HMCES: variants seen among roughly 807,000 people sequenced by gnomAD.
The protein encoded by HMCES is 5-hydroxymethylcytosine binding, ES cell specific, also known as abasic site processing protein HMCES.
Under a neutral mutation model 35.1 loss-of-function variants are expected in HMCES, and 27 were observed. That is an observed-to-expected ratio of 0.77 (90% confidence interval 0.57 to 1.06). The LOEUF (loss-of-function observed/expected upper bound fraction) is 1.06. HMCES is among the 50% of genes least tolerant of loss of function. HMCES has a pLI of 0.00. For synonymous variants in HMCES, 130 were observed against 154.7 expected (o/e 0.84, Z 1.18); for missense variants, 391 against 430.4 (o/e 0.91, Z 0.81).
intron 6 of HMCES, among the ~76,000 whole-genome samples, chr3:129,303,244 T>G (rs2071192854): frequency 6.6e-6 from 1 of 152,158 alleles, no homozygotes; most frequent in Non-Finnish European, 1.5e-5. Flanking sequence ...TGTTTTTAGG[T>G]GGCATGGAGG....
Position 129,303,243 on chromosome 3 carries a change from G to A in HMCES, c.828+1101G>A, listed in dbSNP as rs138346351. 9.1e-3 allele frequency among the ~76,000 whole-genome samples: 1,390 copies of A among 152,238 alleles called. 23 individuals are homozygous for A. The highest frequency in any genetic ancestry group is 0.032 in the African/African-American group (1,316 of 41,526). On this transcript the variant is annotated intron_variant, in intron 6 of 6. Transcript: ENST00000383463. ...ATTTAGGAGTAGTGATTGTTTTTAG[G>A]TGGCATGGAGGGACTTAAAATAGGA...
intron 2 of HMCES, among the ~76,000 whole-genome samples, chr3:129,284,387 T>G (rs1359017174): frequency 1.3e-5 from 2 of 152,210 alleles, no homozygotes; most frequent in East Asian, 3.8e-4. Context: ...TGGTCTTGAA[T>G]TTAGTGTAAA....
intron 2 of HMCES, among the ~76,000 whole-genome samples, chr3:129,288,387 T>A (rs911448441): frequency 2.1e-4 from 32 of 152,228 alleles, no homozygotes; most frequent in Admixed American, 2.6e-4. Flanking sequence ...GTTACCTACA[T>A]CATGATAAGT....
At chr3:129,304,543 C>G in intron 6 of HMCES, 46 bp from the exon 7 acceptor site, 1 of 1,548,786 alleles carries the variant, frequency 6.5e-7, no homozygotes, top group Non-Finnish European at 8.9e-7. Flanking sequence ...GGCCTTTTCC[C>G]AAAAGCTTGA....
At chr3:129,295,599 A>G (rs1560076569) in intron 4 of HMCES, among the ~76,000 whole-genome samples, 1 of 152,162 alleles carries the variant, frequency 6.6e-6, no homozygotes, top group African/African-American at 2.4e-5. Flanking sequence ...TTCACCGTAT[A>G]TAAGATTCTG....
At position 129,304,926 on chromosome 3, in the gene HMCES, G is replaced by A; in HGVS notation, c.*101G>A. On this transcript the variant is annotated 3_prime_UTR_variant, in exon 7 of 7. Transcript: ENST00000383463. ...TATGTGTTTGCTTTGGGAGGAGGTG[G>A]CACTGTGTTAGTTGACAGTTGTGGG... 6.2e-6 allele frequency: 6 copies of A among 964,358 alleles called. No homozygotes were observed. The highest frequency in any genetic ancestry group is 9.5e-6 in the Non-Finnish European group (6 of 630,930). 59.7% of individuals were successfully genotyped at this position (964,358 alleles called of 1,614,324 possible). A position where few individuals can be genotyped will look rare whatever the true frequency, so the allele number is the denominator to read the frequency against.
intron 4 of HMCES, among the ~76,000 whole-genome samples, chr3:129,295,373 GT>G (rs1560076497): frequency 6.7e-6 from 1 of 149,550 alleles, no homozygotes; most frequent in Non-Finnish European, 1.5e-5. Context: ...GGAGGTCGAA[GT>G]TGCAGTGAGC....
chr3:129,284,098 G>A (rs1342101196), intron 2 of HMCES, among the ~76,000 whole-genome samples: 2 of 152,040 alleles, frequency 1.3e-5, no homozygotes, highest in African/African-American at 4.8e-5. Flanking sequence ...GCAATCATTG[G>A]TGCACATACA....
At chr3:129,302,177 C>T in intron 6 of HMCES, 35 bp downstream of exon 6, 2 of 1,524,916 alleles carry the variant, frequency 1.3e-6, no homozygotes, top group Non-Finnish European at 1.8e-6. Context: ...CCTTTTTGAG[C>T]TTTCTGTCTT....
chr3:129,301,926 C>T (rs757725294), intron 5 of HMCES, 24 bp from the exon 6 acceptor site: 9 of 1,585,722 alleles, frequency 5.7e-6, no homozygotes, highest in Non-Finnish European at 7.8e-6. Context: ...CTCTCCCAAC[C>T]ATTGTCTTAA....
intron 2 of HMCES, among the ~76,000 whole-genome samples, chr3:129,280,679 G>A (rs1940449372): frequency 6.6e-6 from 1 of 152,056 alleles, no homozygotes; most frequent in South Asian, 2.1e-4. Flanking sequence ...TTTTGTGTTT[G>A]TCTTTTACTA....
Position 129,304,609 on chromosome 3 carries a change from T to A in HMCES, c.849T>A (p.Ser283Arg). 1 of 1,614,140 alleles carries A rather than the reference T, an allele frequency of 6.2e-7. No homozygotes were observed. Among genetic ancestry groups the A allele is most frequent in the Non-Finnish European group, 8.5e-7 (1 of 1,180,006 alleles). ...VVKKELRASG[S>R]SQRMLQWLAT... is the part of the protein sequence containing the mutation. ...TGTAGGAGCTCAGGGCAAGTGGCAG[T>A]AGCCAGAGGATGTTGCAGTGGTTGG... The change falls in exon 7 of 7, where the codon AGT becomes AGA. Residue 283 changes from serine to arginine, a missense_variant. By Grantham distance (110) the Ser-to-Arg change is moderately radical (BLOSUM62 -1). Coordinates refer to ENST00000383463, the MANE Select transcript of HMCES (RefSeq NM_020187.3).
rs534718221 is a variant in HMCES at position 129,284,719 on chromosome 3, C to T, written c.184-4135C>T. The stretch of plus-strand genomic sequence containing the variant: ...CTTGAGGTCAGGAGTTCGAGACCAG[C>T]GTAACCAACATAGTGAAACCCTGTC... On this transcript the variant is annotated intron_variant, in intron 2 of 6. Transcript: ENST00000383463. 4.6e-5 allele frequency among the ~76,000 whole-genome samples: 7 copies of T among 152,274 alleles called. 1 individual carries two copies. The South Asian group carries it at 1.4e-3, about 32-fold the overall frequency.
At chr3:129,282,608 G>A (rs1940528091) in intron 2 of HMCES, among the ~76,000 whole-genome samples, 1 of 152,160 alleles carries the variant, frequency 6.6e-6, no homozygotes, top group South Asian at 2.1e-4. Flanking sequence ...GTTTTATTAA[G>A]ATTGCTATGG....
intron 3 of HMCES, 29 bp downstream of exon 3, chr3:129,289,026 G>A (rs757458459): frequency 7.3e-6 from 11 of 1,497,096 alleles, no homozygotes; most frequent in East Asian, 2.3e-5. Flanking sequence ...TTAGTGCCCC[G>A]TATACCTCAG....
chr3:129,293,586 T>C (rs2071050678), intron 4 of HMCES, among the ~76,000 whole-genome samples: 1 of 123,086 alleles, frequency 8.1e-6, no homozygotes, highest in African/African-American at 4.2e-5. Flanking sequence ...TTTTTTTTTT[T>C]TGAGACAGAG....
chr3:129,304,224 T>C (rs922490736), intron 6 of HMCES, among the ~76,000 whole-genome samples: 1 of 152,224 alleles, frequency 6.6e-6, no homozygotes, highest in African/African-American at 2.4e-5. Context: ...CTTATCACAG[T>C]GGCTGTTAGA....
intron 2 of HMCES, among the ~76,000 whole-genome samples, chr3:129,280,767 T>C (rs1056283729): frequency 7.9e-5 from 12 of 152,358 alleles, no homozygotes; most frequent in Admixed American, 5.2e-4. Context: ...ATCCCTGTAG[T>C]GTTGGAATTA....
chr3:129,285,162 G>A (rs1199520072), intron 2 of HMCES, among the ~76,000 whole-genome samples: 1 of 151,870 alleles, frequency 6.6e-6, no homozygotes, highest in Non-Finnish European at 1.5e-5. Flanking sequence ...AAAATTTTTT[G>A]TACCCTCAGG....
Sources: gnomAD v4.1 joint callset for allele counts (sites outside exome capture counted in the v4.1 genomes callset) on GRCh38, gnomAD v4.1.1 for gene constraint, MANE v1.5 for transcripts, NCBI Gene and HGNC (gene_info 2026-07-23, HGNC 2026-07-21) for gene names.